The following CACNA2D1 variants were observed in gnomAD, a reference collection of about 807,000 sequenced individuals.
CACNA2D1 encodes voltage-dependent calcium channel subunit alpha-2/delta-1.
Under a neutral mutation model 171.5 loss-of-function variants are expected in CACNA2D1, and 53 were observed. The ratio of observed to expected loss-of-function variants is 0.31; its 90% CI spans 0.25 to 0.39. The LOEUF is 0.39. CACNA2D1 is among the 10% of genes least tolerant of loss of function. CACNA2D1 has a pLI of 1.00. For missense variants in CACNA2D1, 903 were observed against 1,299.8 expected (o/e 0.69, Z 4.69); for synonymous variants, 442 against 443.1 (o/e 1.00, Z 0.03).
intron 15 of CACNA2D1, chr7:82,011,931 T>C: frequency 2.1e-6 from 1 of 483,872 alleles, no homozygotes; most frequent in East Asian, 3.4e-5. Flanking sequence ...AATGAAGGGA[T>C]CAAGTAGACA....
At position 82,084,876 on chromosome 7, in the gene CACNA2D1, T is replaced by C. The variant is rs1434289035; in HGVS notation, c.551A>G (p.Asn184Ser). ...EGSTIVLNEL[N>S]WTSALDEVFK... ...AACTTCATCTAAGGCACTTGTCCAG[T>C]TGAGTTCATTTAACACAATTGTTGC... The change falls in exon 7 of 39, where the codon AAC becomes AGC. Residue 184 changes from asparagine to serine, a missense_variant. By Grantham distance (46) the Asn-to-Ser change is conservative (BLOSUM62 1). This residue lies in a region of CACNA2D1 where 189 missense variants were observed against 266.8 expected (regional missense o/e 0.71). Coordinates refer to ENST00000356860, the MANE Select transcript of CACNA2D1 (RefSeq NM_000722.4). 2 of 1,613,664 alleles carry C rather than the reference T, an allele frequency of 1.2e-6. No individual in the cohort carries two copies. The highest frequency in any genetic ancestry group is 1.3e-5 in the African/African-American group (1 of 75,050).
At chr7:82,117,773 C>T (rs1156553268) in intron 5 of CACNA2D1, among the ~76,000 whole-genome samples, 1 of 151,930 alleles carries the variant, frequency 6.6e-6, no homozygotes, top group Non-Finnish European at 1.5e-5. Context: ...AAAGTGAGAC[C>T]CTGCCTCAAA....
intron 3 of CACNA2D1, among the ~76,000 whole-genome samples, chr7:82,305,069 A>ACTCTAC (rs2129428788): frequency 6.6e-6 from 1 of 152,278 alleles, no homozygotes; most frequent in African/African-American, 2.4e-5. Context: ...AATAGTCCTA[A>ACTCTAC]CTCTACCACT....
chr7:82,291,048 T>C (rs553398112), intron 3 of CACNA2D1, among the ~76,000 whole-genome samples: 67 of 147,264 alleles, frequency 4.5e-4, no homozygotes, highest in African/African-American at 1.6e-3. Context: ...CAATCACACC[T>C]CACTGCAGCC....
intron 5 of CACNA2D1, among the ~76,000 whole-genome samples, chr7:82,117,788 T>TAAAC (rs941582568): frequency 1.1e-4 from 16 of 151,936 alleles, no homozygotes; most frequent in Middle Eastern, 3.4e-3. Flanking sequence ...CTCAAATAAA[T>TAAAC]AAACAAACAA....
chr7:82,184,687 C>T (rs950950455), intron 3 of CACNA2D1, among the ~76,000 whole-genome samples: 1 of 152,072 alleles, frequency 6.6e-6, no homozygotes, highest in African/African-American at 2.4e-5. Flanking sequence ...AAGCCTTCTT[C>T]TTTTCCTTTT....
intron 3 of CACNA2D1, among the ~76,000 whole-genome samples, chr7:82,217,366 T>C (rs762849743): frequency 4.8e-4 from 57 of 118,060 alleles, no homozygotes; most frequent in Non-Finnish European, 5.8e-4. Flanking sequence ...AAAATATATA[T>C]ATACACACAT....
chr7:82,421,790 G>A (rs765695063), intron 1 of CACNA2D1, among the ~76,000 whole-genome samples: 2 of 152,120 alleles, frequency 1.3e-5, no homozygotes, highest in African/African-American at 2.4e-5. Flanking sequence ...AATGAGGATG[G>A]TCAGGGAAGA....
chr7:82,232,127 A>C (rs1360271029), intron 3 of CACNA2D1, among the ~76,000 whole-genome samples: 1 of 152,202 alleles, frequency 6.6e-6, no homozygotes, highest in Admixed American at 6.5e-5. Context: ...ATACGAGCCA[A>C]AGAGTATGTG....
intron 3 of CACNA2D1, among the ~76,000 whole-genome samples, chr7:82,333,090 A>C (rs185976253): frequency 8.8e-4 from 134 of 152,332 alleles, no homozygotes; most frequent in African/African-American, 3.1e-3. Context: ...AAAATTTTTA[A>C]AGTTTATCAA....
chr7:82,359,677 C>G (rs1341731679), intron 1 of CACNA2D1, among the ~76,000 whole-genome samples: 1 of 151,976 alleles, frequency 6.6e-6, no homozygotes, highest in Non-Finnish European at 1.5e-5. Context: ...TTTTTCTTTT[C>G]TCTGAGTATC....
chr7:82,408,117 T>C (rs1827258229), intron 1 of CACNA2D1, among the ~76,000 whole-genome samples: 1 of 151,220 alleles, frequency 6.6e-6, no homozygotes, highest in African/African-American at 2.4e-5. Flanking sequence ...GCCTCCCAGG[T>C]TCAAGCAATT....
intron 3 of CACNA2D1, among the ~76,000 whole-genome samples, chr7:82,258,860 C>T (rs1421538729): frequency 1.6e-5 from 2 of 123,742 alleles, no homozygotes; most frequent in Non-Finnish European, 3.2e-5. Context: ...CGCTCCGTTG[C>T]ACAGGCTGGA....
chr7:82,332,100 G>A (rs962053791), intron 3 of CACNA2D1, among the ~76,000 whole-genome samples: 24 of 150,828 alleles, frequency 1.6e-4, no homozygotes, highest in African/African-American at 4.1e-4. Flanking sequence ...TTGCTCTTTC[G>A]CGCAGGCTGG....
intron 1 of CACNA2D1, among the ~76,000 whole-genome samples, chr7:82,383,472 G>A (rs568738993): frequency 6.6e-6 from 1 of 152,254 alleles, no homozygotes; most frequent in South Asian, 2.1e-4. Flanking sequence ...TAGTTACATG[G>A]GAAAAGGGAA....
At chr7:82,077,759 T>TAAA (rs10596724) in intron 7 of CACNA2D1, among the ~76,000 whole-genome samples, 2,376 of 145,112 alleles carry the variant, frequency 0.016, 29 homozygotes, top group Middle Eastern at 0.047. Context: ...AATGTTAAAG[T>TAAA]AAAAAAAAAA....
intron 3 of CACNA2D1, among the ~76,000 whole-genome samples, chr7:82,187,272 T>C (rs1414077886): frequency 2.6e-5 from 4 of 152,152 alleles, no homozygotes; most frequent in Non-Finnish European, 5.9e-5. Flanking sequence ...ACATAATAAA[T>C]ACATTTATTA....
Position 82,117,112 on chromosome 7 carries a change from G to T in CACNA2D1, c.458C>A (p.Ala153Asp). 1 of 1,613,756 alleles carries T rather than the reference G, an allele frequency of 6.2e-7. No individual in the cohort carries two copies. Among genetic ancestry groups the T allele is most frequent in the Non-Finnish European group, 8.5e-7 (1 of 1,179,800 alleles). The change falls in exon 6 of 39, where the codon GCT becomes GAT. Residue 153 changes from alanine to aspartate, a missense_variant. Ala to Asp is a moderately radical substitution (Grantham distance 126). Transcript: ENST00000356860. The stretch of plus-strand genomic sequence containing the variant: ...ATAAGATATTTGTCGTCCAAAATTA[G>T]CATCTTCAATGAAAACAGGTTTTAT... ...QRIKPVFIED[A>D]NFGRQISYQH...
chr7:82,039,239 T>C (rs1803662526), intron 10 of CACNA2D1, among the ~76,000 whole-genome samples: 1 of 147,952 alleles, frequency 6.8e-6, no homozygotes, highest in Non-Finnish European at 1.5e-5. Flanking sequence ...TATTACATAT[T>C]CTTGCAAATA....
Sources: gnomAD v4.1 joint callset for allele counts (sites outside exome capture counted in the v4.1 genomes callset) on GRCh38, gnomAD v4.1.1 for gene constraint, gnomAD v4.1.1 regional missense constraint, MANE v1.5 for transcripts, NCBI Gene and HGNC (gene_info 2026-07-23, HGNC 2026-07-21) for gene names.